The following TSPAN9 variants were observed in gnomAD, a reference collection of about 807,000 sequenced individuals.
TSPAN9 encodes the protein tetraspanin 9, also known as tetraspanin-9.
A neutral mutation model predicts 31.0 loss-of-function variants in TSPAN9; 16 were observed. That is an observed-to-expected ratio of 0.52 (90% CI 0.35 to 0.78). TSPAN9 has a LOEUF of 0.78. TSPAN9 is among the 30% of genes least tolerant of loss of function. TSPAN9 has a pLI of 0.01. For synonymous variants in TSPAN9, 145 were observed against 121.6 expected, an observed-to-expected ratio of 1.19 and a Z score of -1.27; for missense variants, 272 against 312.5, an observed-to-expected ratio of 0.87 and a Z score of 0.98.
intron 2 of TSPAN9, among the ~76,000 whole-genome samples, chr12:3,131,936 G>C (rs2098329994): frequency 6.6e-6 from 1 of 152,038 alleles, no homozygotes; most frequent in African/African-American, 2.4e-5. Context: ...TGACCCCCCA[G>C]GCCTCTCACC....
chr12:3,263,868 G>A lies in TSPAN9; in HGVS notation c.64-14553G>A, dbSNP rs530328025. ...GGCCTTGATGGCTCTGGATTGGACC[G>A]AGAACAGTGCAAAGGGAAGAGGAAG... On this transcript the variant is annotated intron_variant, in intron 3 of 8. Transcript: ENST00000011898. Among the ~76,000 whole-genome samples, 4 of 152,316 alleles carry A rather than the reference G, an allele frequency of 2.6e-5. No homozygotes were observed. The South Asian group carries it at 8.3e-4, about 32-fold the overall frequency.
chr12:3,149,392 C>T (rs1479096412), intron 2 of TSPAN9, among the ~76,000 whole-genome samples: 1 of 152,210 alleles, frequency 6.6e-6, no homozygotes, highest in Non-Finnish European at 1.5e-5. Flanking sequence ...CATGCCTTGC[C>T]TTCTTCTCTC....
intron 2 of TSPAN9, among the ~76,000 whole-genome samples, chr12:3,175,512 T>G (rs1225992288): frequency 6.6e-6 from 1 of 152,184 alleles, no homozygotes; most frequent in African/African-American, 2.4e-5. Context: ...TCTCTCTGGG[T>G]TCATTTCCTT....
intron 2 of TSPAN9, among the ~76,000 whole-genome samples, chr12:3,121,533 C>CTTTTTT (rs59376087): frequency 1.1e-3 from 101 of 92,904 alleles, no homozygotes; most frequent in Middle Eastern, 9.8e-3. Flanking sequence ...CTAATTAAAA[C>CTTTTTT]TTTTTTTTTT....
intron 3 of TSPAN9, among the ~76,000 whole-genome samples, chr12:3,214,794 C>T (rs965919146): frequency 5.9e-5 from 9 of 152,102 alleles, no homozygotes; most frequent in South Asian, 2.1e-4. Flanking sequence ...AGAACTGTCG[C>T]GGCTCCTTCC....
intron 2 of TSPAN9, among the ~76,000 whole-genome samples, chr12:3,164,949 G>A (rs111412194): frequency 2.3e-4 from 35 of 152,156 alleles, no homozygotes; most frequent in Admixed American, 5.2e-4. Context: ...TTGAACGTGC[G>A]GGCTTCTCAG....
intron 2 of TSPAN9, among the ~76,000 whole-genome samples, chr12:3,122,195 G>A (rs1456606533): frequency 3.3e-5 from 5 of 152,070 alleles, no homozygotes; most frequent in Non-Finnish European, 2.9e-5. Flanking sequence ...TTAGCCGGGT[G>A]TGGTGGTGGG....
At chr12:3,115,511 G>C (rs1283095519) in intron 2 of TSPAN9, among the ~76,000 whole-genome samples, 1 of 152,238 alleles carries the variant, frequency 6.6e-6, no homozygotes, top group Non-Finnish European at 1.5e-5. Context: ...CACAGACTGG[G>C]TGGCTTATAA....
chr12:3,079,844 C>A (rs924809432), intron 1 of TSPAN9, among the ~76,000 whole-genome samples: 1 of 150,954 alleles, frequency 6.6e-6, no homozygotes, highest in Non-Finnish European at 1.5e-5. Flanking sequence ...ACAAGCAGCT[C>A]ACTGCAGCCT....
intron 2 of TSPAN9, among the ~76,000 whole-genome samples, chr12:3,095,850 G>C (rs925188508): frequency 8.1e-5 from 12 of 147,374 alleles, no homozygotes; most frequent in South Asian, 2.3e-4. Context: ...TCACTTTCCA[G>C]ACTGGGCAGC....
At chr12:3,263,407 C>T (rs1565637092) in intron 3 of TSPAN9, among the ~76,000 whole-genome samples, 1 of 152,212 alleles carries the variant, frequency 6.6e-6, no homozygotes, top group Non-Finnish European at 1.5e-5. Context: ...AGCTCATAAG[C>T]ATATGCGGAG....
chr12:3,194,449 C>A (rs1182086578), intron 2 of TSPAN9, among the ~76,000 whole-genome samples: 1 of 152,110 alleles, frequency 6.6e-6, no homozygotes, highest in Non-Finnish European at 1.5e-5. Context: ...TGTGGTGGCA[C>A]AATCATGGCT....
At chr12:3,078,147 C>A (rs964349873) in intron 1 of TSPAN9, among the ~76,000 whole-genome samples, 3 of 152,170 alleles carry the variant, frequency 2.0e-5, no homozygotes, top group Admixed American at 2.0e-4. Flanking sequence ...CTTCATCTTC[C>A]CCCAAATGCC....
Position 3,254,565 on chromosome 12 carries a change from G to A in TSPAN9, c.64-23856G>A, listed in dbSNP as rs534827469. On this transcript the variant is annotated intron_variant, in intron 3 of 8. Transcript: ENST00000011898. ...ATGACTCCTGGGTTCTGTCTTGTCC[G>A]TTCTGATGATGATGATGACAGCAGT... Among the ~76,000 whole-genome samples, 17 of 152,300 alleles carry A rather than the reference G, an allele frequency of 1.1e-4. No homozygotes were observed. In the East Asian group the frequency reaches 2.7e-3, roughly 24 times the overall value.
chr12:3,256,083 AC>A (rs1186374521), intron 3 of TSPAN9, among the ~76,000 whole-genome samples: 1 of 150,276 alleles, frequency 6.7e-6, no homozygotes, highest in Non-Finnish European at 1.5e-5. Flanking sequence ...TGCCATAAAT[AC>A]CCCACTCCCA....
intron 2 of TSPAN9, among the ~76,000 whole-genome samples, chr12:3,099,444 T>TA (rs1202852299): frequency 6.6e-6 from 1 of 152,240 alleles, no homozygotes; most frequent in African/African-American, 2.4e-5. Context: ...GGAGCGTACT[T>TA]ACAATACTTG....
chr12:3,242,800 C>T (rs929359917), intron 3 of TSPAN9, among the ~76,000 whole-genome samples: 1 of 152,226 alleles, frequency 6.6e-6, no homozygotes, highest in Non-Finnish European at 1.5e-5. Context: ...GCTGATCTCC[C>T]AAGGACTCAT....
intron 3 of TSPAN9, among the ~76,000 whole-genome samples, chr12:3,253,297 G>A (rs572128070): frequency 6.8e-4 from 103 of 152,328 alleles, no homozygotes; most frequent in African/African-American, 2.4e-3. Flanking sequence ...GCTGCCTGCC[G>A]GCTCAGTGAA....
chr12:3,079,615 C>T (rs1026779700), intron 1 of TSPAN9, among the ~76,000 whole-genome samples: 1 of 152,058 alleles, frequency 6.6e-6, no homozygotes. Flanking sequence ...GTGCCCGCCA[C>T]CACACCTGGC....
Sources: allele counts gnomAD v4.1 joint callset (sites outside exome capture counted in the v4.1 genomes callset), GRCh38; gene constraint gnomAD v4.1.1; transcripts MANE v1.5; gene names NCBI Gene and HGNC (gene_info 2026-07-23, HGNC 2026-07-21).